TENM4: variants seen among roughly 807,000 people sequenced by gnomAD.
TENM4 encodes teneurin-4.
TENM4 carries 82 observed loss-of-function variants against 243.3 expected under a neutral mutation model. That is an observed-to-expected ratio of 0.34 (90% confidence interval 0.28 to 0.40). The LOEUF is 0.40. Among genes scored for constraint, TENM4 ranks in the 10% least tolerant of loss-of-function variants. The pLI is 1.00. For synonymous variants in TENM4, 1,412 were observed against 1,456.3 expected (o/e 0.97, Z 0.69); for missense variants, 3,138 against 3,673.3 (o/e 0.85, Z 3.77).
chr11:79,392,121 T>A (rs1458226744), intron 1 of TENM4, among the ~76,000 whole-genome samples: 3 of 152,228 alleles, frequency 2.0e-5, no homozygotes, highest in Non-Finnish European at 4.4e-5. Context: ...ACAGCCAACA[T>A]CCACAGTGGC....
intron 30 of TENM4, among the ~76,000 whole-genome samples, chr11:78,675,866 T>C (rs907238673): frequency 6.6e-5 from 10 of 152,176 alleles, no homozygotes; most frequent in African/African-American, 1.9e-4. Flanking sequence ...TTATAGATGA[T>C]GAAATTGAGG....
intron 2 of TENM4, among the ~76,000 whole-genome samples, chr11:79,230,844 A>C (rs1864359608): frequency 6.6e-6 from 1 of 152,212 alleles, no homozygotes; most frequent in African/African-American, 2.4e-5. Flanking sequence ...ATCAAAATCA[A>C]GTGTGTAATA....
chr11:78,838,427 A>T (rs573658401), intron 12 of TENM4, among the ~76,000 whole-genome samples: 1 of 152,310 alleles, frequency 6.6e-6, no homozygotes, highest in South Asian at 2.1e-4. Flanking sequence ...ACATTTCTCA[A>T]TCTTTTTCTT....
At chr11:79,382,571 C>T (rs959861869) in intron 1 of TENM4, among the ~76,000 whole-genome samples, 1 of 152,082 alleles carries the variant, frequency 6.6e-6, no homozygotes, top group Admixed American at 6.5e-5. Flanking sequence ...CTGAAGGAAG[C>T]CTCCTATGTG....
chr11:78,821,421 T>C lies in TENM4; in HGVS notation c.1682-7026A>G, dbSNP rs1032165128. Among the ~76,000 whole-genome samples, 4 of 152,250 alleles carry C rather than the reference T, an allele frequency of 2.6e-5. No homozygotes were observed. In the East Asian group the frequency reaches 7.7e-4, roughly 29 times the overall value. ...AGGAAAGAGGTCAGAGAAGTGGGGA[T>C]GCCACAATAATCAGGTTCCAGAGGC... On this transcript the variant is annotated intron_variant, in intron 12 of 33. Transcript: ENST00000278550.
At chr11:79,142,348 GAA>G (rs146660803) in intron 4 of TENM4, among the ~76,000 whole-genome samples, 1 of 149,756 alleles carries the variant, frequency 6.7e-6, no homozygotes, top group African/African-American at 2.4e-5. Flanking sequence ...CAAACAATCA[GAA>G]AAAAAAATTA....
chr11:78,705,988 T>C (rs1859238451), intron 27 of TENM4, among the ~76,000 whole-genome samples: 1 of 152,242 alleles, frequency 6.6e-6, no homozygotes, highest in South Asian at 2.1e-4. Flanking sequence ...CTAGACAATT[T>C]GTGTACATAA....
chr11:78,940,080 A>C (rs1425234152), intron 6 of TENM4, among the ~76,000 whole-genome samples: 2 of 152,142 alleles, frequency 1.3e-5, no homozygotes, highest in Admixed American at 1.3e-4. Context: ...AACAGTAATA[A>C]CTGCTGTTAA....
chr11:79,034,783 G>A (rs183562997), intron 6 of TENM4, among the ~76,000 whole-genome samples: 3 of 152,156 alleles, frequency 2.0e-5, no homozygotes, highest in East Asian at 1.9e-4. Context: ...TGATATGCAC[G>A]GACCTCTAAG....
At chr11:79,232,292 G>A (rs1864387825) in intron 2 of TENM4, among the ~76,000 whole-genome samples, 1 of 152,172 alleles carries the variant, frequency 6.6e-6, no homozygotes, top group South Asian at 2.1e-4. Flanking sequence ...AGATAGTACA[G>A]AGGCTAGCAG....
chr11:78,928,322 A>G (rs1161319334), intron 6 of TENM4, among the ~76,000 whole-genome samples: 2 of 152,340 alleles, frequency 1.3e-5, no homozygotes, highest in East Asian at 1.9e-4. Flanking sequence ...GTTAAGAAGC[A>G]AAAAATACAC....
chr11:78,956,862 C>T (rs1857217217), intron 6 of TENM4, among the ~76,000 whole-genome samples: 1 of 152,172 alleles, frequency 6.6e-6, no homozygotes, highest in South Asian at 2.1e-4. Flanking sequence ...TTGATTACTG[C>T]AGGAGTGTTA....
intron 26 of TENM4, 132 bp from the exon 27 acceptor site, chr11:78,708,647 C>A: frequency 9.1e-7 from 1 of 1,095,866 alleles, no homozygotes; most frequent in Non-Finnish European, 1.3e-6. Flanking sequence ...ACCTTCATTC[C>A]TCTCTCAAAG....
At chr11:78,804,075 C>A (rs1257085635) in intron 15 of TENM4, among the ~76,000 whole-genome samples, 1 of 152,200 alleles carries the variant, frequency 6.6e-6, no homozygotes, top group South Asian at 2.1e-4. Context: ...TGGTCACAAC[C>A]AGAACTGTTA....
intron 4 of TENM4, among the ~76,000 whole-genome samples, chr11:79,078,808 G>T (rs7114034): frequency 0.7 from 105,906 of 152,042 alleles, 37,366 homozygotes; most frequent in African/African-American, 0.81. Flanking sequence ...TATCGACAAA[G>T]AAACCAGGAT....
chr11:79,258,000 C>T (rs1055555057), intron 2 of TENM4, among the ~76,000 whole-genome samples: 4 of 152,194 alleles, frequency 2.6e-5, no homozygotes, highest in Non-Finnish European at 4.4e-5. Context: ...TTCCTGCAAA[C>T]ACCTGCGAGG....
At chr11:79,412,901 G>T (rs1333881397) in intron 1 of TENM4, among the ~76,000 whole-genome samples, 1 of 152,158 alleles carries the variant, frequency 6.6e-6, no homozygotes, top group Non-Finnish European at 1.5e-5. Context: ...TCAGTATTAA[G>T]AATGGAACTA....
At chr11:78,964,057 T>TC (rs1187646484) in intron 6 of TENM4, among the ~76,000 whole-genome samples, 1 of 134,398 alleles carries the variant, frequency 7.4e-6, no homozygotes, top group Non-Finnish European at 1.5e-5. Flanking sequence ...TTTTTTTTTT[T>TC]CCCCTAGATG....
chr11:79,416,758 T>C (rs772244586), intron 1 of TENM4, among the ~76,000 whole-genome samples: 13 of 152,158 alleles, frequency 8.5e-5, no homozygotes, highest in Non-Finnish European at 1.6e-4. Flanking sequence ...TCAGGGTTTC[T>C]CTCCAGGTCT....
Sources: gnomAD v4.1 joint callset for allele counts (sites outside exome capture counted in the v4.1 genomes callset) on GRCh38, gnomAD v4.1.1 for gene constraint, MANE v1.5 for transcripts, NCBI Gene and HGNC (gene_info 2026-07-23, HGNC 2026-07-21) for gene names.